Variants in RAD51B observed in about 807,000 individuals in gnomAD.
RAD51B encodes DNA repair protein RAD51 homolog 2.
RAD51B carries 38 observed loss-of-function variants against 42.2 expected under a neutral mutation model. That is an observed-to-expected ratio of 0.90 (90% CI 0.70 to 1.18). The LOEUF (loss-of-function observed/expected upper bound fraction) is 1.18, where lower values mean the gene tolerates loss of function less well. RAD51B is among the 50% of genes most tolerant of loss of function. The pLI, the probability that RAD51B is intolerant of heterozygous loss-of-function variation, is 0.00. For synonymous variants in RAD51B, 154 were observed against 145.2 expected, an observed-to-expected ratio of 1.06 and a Z score of -0.43; for missense variants, 373 against 400.7, an observed-to-expected ratio of 0.93 and a Z score of 0.59.
downstream of RAD51B, among the ~76,000 whole-genome samples, chr14:68,615,438 C>T (rs142975580): frequency 2.1e-3 from 318 of 152,036 alleles, 1 homozygote; most frequent in South Asian, 0.013. Context: ...CTCTGCCTCC[C>T]GGGTTCACAC....
intron 10 of RAD51B, among the ~76,000 whole-genome samples, chr14:68,512,587 C>T (rs1409678724): frequency 6.6e-6 from 1 of 152,116 alleles, no homozygotes; most frequent in Non-Finnish European, 1.5e-5. Context: ...TGCCCTGGCC[C>T]CCACACTCTA....
At chr14:67,865,640 G>T (rs1223280608) in intron 5 of RAD51B, among the ~76,000 whole-genome samples, 1 of 145,868 alleles carries the variant, frequency 6.9e-6, no homozygotes, top group Non-Finnish European at 1.5e-5. Context: ...CCGGGTTCAA[G>T]CGATTCTCCT....
At chr14:67,953,036 G>A (rs996319779) in intron 7 of RAD51B, among the ~76,000 whole-genome samples, 16 of 152,162 alleles carry the variant, frequency 1.1e-4, no homozygotes, top group Non-Finnish European at 1.9e-4. Flanking sequence ...GCTAAGCATT[G>A]CAGAAAGAGC....
intron 7 of RAD51B, among the ~76,000 whole-genome samples, chr14:68,242,326 T>C (rs1375865731): frequency 6.6e-6 from 1 of 152,154 alleles, no homozygotes; most frequent in Admixed American, 6.5e-5. Context: ...TCTGAACCCC[T>C]AGATAGTCTA....
chr14:68,392,545 G>T (rs1184183292), intron 8 of RAD51B, among the ~76,000 whole-genome samples: 1 of 152,210 alleles, frequency 6.6e-6, no homozygotes, highest in Non-Finnish European at 1.5e-5. Context: ...TGGGTGGACA[G>T]TGGATGACAT....
At chr14:68,084,102 TAATA>T (rs939718807) in intron 7 of RAD51B, among the ~76,000 whole-genome samples, 163 of 152,316 alleles carry the variant, frequency 1.1e-3, no homozygotes, top group African/African-American at 3.8e-3. Flanking sequence ...GTAAAGAAAT[TAATA>T]AATCTTATTA....
At chr14:67,923,466 A>G (rs2044400261) in intron 7 of RAD51B, among the ~76,000 whole-genome samples, 1 of 151,254 alleles carries the variant, frequency 6.6e-6, no homozygotes, top group Admixed American at 6.6e-5. Context: ...CGCCTGGCTA[A>G]TTTTGTATTT....
At chr14:68,193,854 CT>C (rs889510931) in intron 7 of RAD51B, among the ~76,000 whole-genome samples, 1 of 151,920 alleles carries the variant, frequency 6.6e-6, no homozygotes, top group Non-Finnish European at 1.5e-5. Flanking sequence ...CCTTTCAACG[CT>C]TTTTTTTCTG....
chr14:68,641,194 C>T (rs1009040493), intron 10 of RAD51B, among the ~76,000 whole-genome samples: 16 of 152,102 alleles, frequency 1.1e-4, no homozygotes, highest in African/African-American at 2.4e-4. Context: ...TCATGTCTGC[C>T]GTGTGTTGCA....
intron 3 of RAD51B, among the ~76,000 whole-genome samples, chr14:67,826,768 C>T (rs1479787244): frequency 1.3e-5 from 2 of 149,664 alleles, no homozygotes; most frequent in African/African-American, 2.5e-5. Flanking sequence ...GTGCAGCCTC[C>T]GCCTCCTGGG....
chr14:68,325,713 A>G (rs369284533), intron 8 of RAD51B, among the ~76,000 whole-genome samples: 3 of 152,036 alleles, frequency 2.0e-5, no homozygotes, highest in South Asian at 4.2e-4. Flanking sequence ...CCAGGACCCA[A>G]AATAGGCTAA....
intron 8 of RAD51B, among the ~76,000 whole-genome samples, chr14:68,402,984 C>T (rs576390485): frequency 4.6e-5 from 7 of 152,290 alleles, no homozygotes; most frequent in African/African-American, 1.7e-4. Flanking sequence ...AATAGAACTG[C>T]AGGGTCCTGC....
At chr14:68,022,819 A>C (rs1457183984) in intron 7 of RAD51B, among the ~76,000 whole-genome samples, 2 of 152,100 alleles carry the variant, frequency 1.3e-5, no homozygotes, top group Non-Finnish European at 2.9e-5. Context: ...CTCCACCCTC[A>C]AGTGGGCTCT....
intron 7 of RAD51B, among the ~76,000 whole-genome samples, chr14:67,975,221 G>T (rs1202910060): frequency 6.6e-6 from 1 of 152,158 alleles, no homozygotes; most frequent in Non-Finnish European, 1.5e-5. Flanking sequence ...TGTTATTCAA[G>T]TTGAGGTTCT....
intron 7 of RAD51B, among the ~76,000 whole-genome samples, chr14:68,094,656 G>C (rs1198355759): frequency 6.6e-6 from 1 of 152,138 alleles, no homozygotes. Flanking sequence ...GCCAACAGAG[G>C]CCTTGGACAG....
At chr14:68,615,853 G>T (rs1303662908), downstream of RAD51B, among the ~76,000 whole-genome samples, 2 of 152,010 alleles carry the variant, frequency 1.3e-5, no homozygotes, top group African/African-American at 4.8e-5. Flanking sequence ...AATCCAGTCT[G>T]ATAGTGCCTG....
intron 7 of RAD51B, among the ~76,000 whole-genome samples, chr14:68,147,197 G>A (rs1185748288): frequency 6.6e-6 from 1 of 152,150 alleles, no homozygotes; most frequent in Non-Finnish European, 1.5e-5. Context: ...ATAAACCTAC[G>A]AGAAATAGTT....
Position 68,129,791 on chromosome 14 carries a change from A to G in RAD51B, c.757-162093A>G, listed in dbSNP as rs577593091. Among the ~76,000 whole-genome samples the G allele has an allele frequency of 1.1e-4, 17 of 152,280 alleles. No individual in the cohort carries two copies. The East Asian group carries it at 1.7e-3, about 16-fold the overall frequency. On this transcript the variant is annotated intron_variant, in intron 7 of 10. Transcript: ENST00000471583. ...AACTGGAGGCCTTGTTAAAGTACCA[A>G]TTCCTAGGCCCTATCCCCAGATGCT...
At chr14:68,046,476 T>A (rs1485877691) in intron 7 of RAD51B, among the ~76,000 whole-genome samples, 3 of 152,236 alleles carry the variant, frequency 2.0e-5, no homozygotes, top group Non-Finnish European at 4.4e-5. Flanking sequence ...TGGTGGCTCA[T>A]GCCTGCAATC....
Sources: allele counts gnomAD v4.1 joint callset (sites outside exome capture counted in the v4.1 genomes callset), GRCh38; gene constraint gnomAD v4.1.1; transcripts MANE v1.5; gene names NCBI Gene and HGNC (gene_info 2026-07-23, HGNC 2026-07-21).